CACNA2D4: variants seen among roughly 807,000 people sequenced by gnomAD.
CACNA2D4 encodes the protein calcium voltage-gated channel auxiliary subunit alpha2delta 4, also known as voltage-dependent calcium channel subunit alpha-2/delta-4.
A neutral mutation model predicts 163.8 loss-of-function variants in CACNA2D4; 157 were observed. That is an observed-to-expected ratio of 0.96 (90% CI 0.84 to 1.09). The LOEUF is 1.09. Among genes scored for constraint, CACNA2D4 ranks in the 50% least tolerant of loss-of-function variants. The probability of loss-of-function intolerance (pLI) is 0.00; values close to 1 mark genes in which losing one functional copy is unlikely to be tolerated. For missense variants in CACNA2D4, 1,410 were observed against 1,479.9 expected (o/e 0.95, Z 0.78); for synonymous variants, 598 against 586.9 (o/e 1.02, Z -0.27).
chr12:1,914,729 G>T, intron 2 of CACNA2D4, 125 bp downstream of exon 2: 1 of 669,338 alleles, frequency 1.5e-6, no homozygotes, highest in Non-Finnish European at 2.7e-6. Flanking sequence ...GGGCCTCAGT[G>T]GCCCCATCTG....
chr12:1,810,759 G>GT (rs1293150106), intron 27 of CACNA2D4, among the ~76,000 whole-genome samples, 172 bp from the exon 28 acceptor site: 1 of 152,164 alleles, frequency 6.6e-6, no homozygotes. Flanking sequence ...GGATGTGTGT[G>GT]TCGTATGTGG....
chr12:1,864,584 ACTC>A (rs1164238893), intron 18 of CACNA2D4, among the ~76,000 whole-genome samples: 1 of 151,992 alleles, frequency 6.6e-6, no homozygotes, highest in Non-Finnish European at 1.5e-5. Flanking sequence ...CGTGCGGGTG[ACTC>A]CTCTTCCTGC....
intron 23 of CACNA2D4, among the ~76,000 whole-genome samples, chr12:1,848,227 TTC>T (rs1283617791): frequency 6.6e-6 from 1 of 152,218 alleles, no homozygotes; most frequent in Non-Finnish European, 1.5e-5. Context: ...CTGATTCCCT[TTC>T]TCTCTCCACT....
chr12:1,799,792 T>A lies in CACNA2D4; in HGVS notation c.2975-97A>T, dbSNP rs1365038545. The A allele has an allele frequency of 1.4e-6, 2 of 1,461,216 alleles. No individual in the cohort carries two copies. The highest frequency in any genetic ancestry group is 3.9e-5 in the Admixed American group (2 of 50,866). The allele number at this position is 1,461,216 out of a possible 1,614,324, so 90.5% of individuals were successfully genotyped here. On this transcript the variant is annotated intron_variant, in intron 33 of 37. Coordinates refer to ENST00000382722, the MANE Select transcript of CACNA2D4 (RefSeq NM_172364.5). The surrounding 1 kb of genome is among the most constrained non-coding windows in gnomAD (Gnocchi z 4.7). ...GTCATGGGGTGGTGATGATGGCACATGGAGTGGCGGTGTCCCAAGATGATG... is the reference window on the plus strand; with the variant it reads ...GTCATGGGGTGGTGATGATGGCACAAGGAGTGGCGGTGTCCCAAGATGATG...
At chr12:1,826,381 C>A (rs1417918069) in intron 26 of CACNA2D4, among the ~76,000 whole-genome samples, 1 of 149,584 alleles carries the variant, frequency 6.7e-6, no homozygotes, top group Non-Finnish European at 1.5e-5. Flanking sequence ...AAAGAACGGA[C>A]CAGAGATTTG....
chr12:1,841,089 T>G (rs117572973), intron 25 of CACNA2D4, among the ~76,000 whole-genome samples: 7,308 of 152,312 alleles, frequency 0.048, 260 homozygotes, highest in Middle Eastern at 0.085. Flanking sequence ...GGTTTCTGCG[T>G]GTTTGTCGGC....
chr12:1,881,138 G>A (rs1865986878), intron 13 of CACNA2D4, among the ~76,000 whole-genome samples: 1 of 152,214 alleles, frequency 6.6e-6, no homozygotes, highest in Non-Finnish European at 1.5e-5. Context: ...GGAGAGGGAA[G>A]GAGGAAGACA....
chr12:1,841,280 C>T (rs528805004), intron 25 of CACNA2D4, among the ~76,000 whole-genome samples: 16 of 152,284 alleles, frequency 1.1e-4, no homozygotes, highest in Admixed American at 7.8e-4. Flanking sequence ...ATGCCACAGC[C>T]GAGCCACCAT....
At chr12:1,805,046 G>A (rs548959827) in intron 29 of CACNA2D4, among the ~76,000 whole-genome samples, 3 of 152,180 alleles carry the variant, frequency 2.0e-5, no homozygotes, top group Non-Finnish European at 4.4e-5. Flanking sequence ...CAGACCGCCC[G>A]TGGAGTGGCA....
chr12:1,910,075 G>C lies in CACNA2D4; in HGVS notation c.427-110C>G. 3.6e-6 allele frequency: 3 copies of C among 839,018 alleles called. No individual in the cohort carries two copies. The South Asian group carries it at 4.3e-5, about 12-fold the overall frequency. The allele number at this position is 839,018 out of a possible 1,614,324, so 52.0% of individuals were successfully genotyped here. A position where few individuals can be genotyped will look rare whatever the true frequency, so the allele number is the denominator to read the frequency against. On this transcript the variant is annotated intron_variant, in intron 3 of 37. Coordinates refer to ENST00000382722, the MANE Select transcript of CACNA2D4 (RefSeq NM_172364.5). ...CCAGCAATCCCACTCCTGGGTGTAT[G>C]CCCAGAAGGATTGAAAACAGGGATG...
chr12:1,796,783 G>A (rs1206473098), intron 35 of CACNA2D4, among the ~76,000 whole-genome samples: 7 of 152,302 alleles, frequency 4.6e-5, no homozygotes, highest in African/African-American at 1.7e-4. Context: ...CGAGGAGGCC[G>A]CCGCATTCCC....
intron 9 of CACNA2D4, among the ~76,000 whole-genome samples, chr12:1,885,596 C>T (rs1866117228): frequency 6.6e-6 from 1 of 152,202 alleles, no homozygotes; most frequent in South Asian, 2.1e-4. Flanking sequence ...AAGGATGACA[C>T]TCAATGAAGT....
rs1865726279 is a variant in CACNA2D4, at chr12:1,869,557, T to G, written c.1878+5047A>C. Among the ~76,000 whole-genome samples the G allele has an allele frequency of 6.6e-6, 1 of 152,234 alleles. No homozygotes were observed. The highest frequency in any genetic ancestry group is 1.5e-5 in the Non-Finnish European group (1 of 68,040). On this transcript the variant is annotated intron_variant, in intron 18 of 37. Transcript: ENST00000382722. This position sits in a 1 kb window ranked among gnomAD's most constrained non-coding sequence, Gnocchi z 4.7. ...TTTTCACGGATTCCTGTTTTTCCTC[T>G]TGAGTTCCAGTTCGTTCTTGCTTTC...
intron 1 of CACNA2D4, chr12:1,918,038 C>A: frequency 3.7e-6 from 2 of 543,376 alleles, no homozygotes; most frequent in Admixed American, 3.6e-5. Context: ...AGGTGGGACT[C>A]CAGAACTCAC....
chr12:1,828,281 A>C lies in CACNA2D4; in HGVS notation c.2551+12458T>G. ...TGGGGGTGCCGAGGTGACTGTAGGT[A>C]GCGCCATATGGGACCTTAGCCACAC... is the stretch of plus-strand genomic sequence containing the variant. On this transcript the variant is annotated intron_variant, in intron 26 of 37. Coordinates refer to ENST00000382722, the MANE Select transcript of CACNA2D4 (RefSeq NM_172364.5). This position sits in a 1 kb window ranked among gnomAD's most constrained non-coding sequence, Gnocchi z 4.2. The C allele has an allele frequency of 2.2e-6, 3 of 1,381,532 alleles. No individual in the cohort carries two copies. Among genetic ancestry groups the C allele is most frequent in the Non-Finnish European group, 2.9e-6 (3 of 1,017,686 alleles). 85.6% of individuals were successfully genotyped at this position (1,381,532 alleles called of 1,614,324 possible). A position where few individuals can be genotyped will look rare whatever the true frequency, so the allele number is the denominator to read the frequency against.
chr12:1,855,651 A>T (rs532234340), intron 22 of CACNA2D4, among the ~76,000 whole-genome samples: 1 of 152,320 alleles, frequency 6.6e-6, no homozygotes, highest in African/African-American at 2.4e-5. Context: ...AGTGGCAGCC[A>T]TTTGCCCAGA....
intron 3 of CACNA2D4, 121 bp from the exon 4 acceptor site, chr12:1,910,086 T>C (rs1866778450): frequency 5.1e-6 from 4 of 788,134 alleles, no homozygotes; most frequent in South Asian, 4.4e-5. Flanking sequence ...CCCAGAAGGA[T>C]TGAAAACAGG....
intron 25 of CACNA2D4, 149 bp from the exon 26 acceptor site, chr12:1,840,968 T>C (rs1473868895): frequency 1.4e-6 from 1 of 706,892 alleles, no homozygotes; most frequent in East Asian, 2.7e-5. Context: ...AGGGGTTGTG[T>C]TTGGAGAAGT....
chr12:1,812,078 A>G (rs376583403), intron 26 of CACNA2D4, among the ~76,000 whole-genome samples: 1 of 152,154 alleles, frequency 6.6e-6, no homozygotes, highest in Non-Finnish European at 1.5e-5. Context: ...ATAGATGGGA[A>G]TATAGAGGCC....
Sources: gnomAD v4.1 joint callset for allele counts (sites outside exome capture counted in the v4.1 genomes callset) on GRCh38, gnomAD v4.1.1 for gene constraint, Gnocchi (gnomAD v3.1) non-coding constraint, MANE v1.5 for transcripts, NCBI Gene and HGNC (gene_info 2026-07-23, HGNC 2026-07-21) for gene names.